GADL1: variants seen among roughly 807,000 people sequenced by gnomAD.
GADL1 encodes GAD like acidic amino acid decarboxylase 1.
In GADL1, 71 loss-of-function variants were observed where a neutral mutation model predicts 69.5. The ratio of observed to expected loss-of-function variants is 1.02; its 90% CI spans 0.84 to 1.25. The LOEUF is 1.25. Ranked by LOEUF, GADL1 falls within the 50% of genes most tolerant of loss-of-function variation. GADL1 has a pLI of 0.00. For missense variants in GADL1, 737 were observed against 631.8 expected, an observed-to-expected ratio of 1.17 and a Z score of -1.79; for synonymous variants, 254 against 214.4, an observed-to-expected ratio of 1.18 and a Z score of -1.62.
At chr3:30,741,190 A>ATATGTGTGTGTGTGTGTGTGTGTG (rs747105488) in intron 14 of GADL1, among the ~76,000 whole-genome samples, 2 of 132,638 alleles carry the variant, frequency 1.5e-5, no homozygotes, top group African/African-American at 5.7e-5. Context: ...TTATATAATT[A>ATATGTGTGTGTGTGTGTGTGTGTG]TGTGTGTGTG....
In GADL1 at chr3:30,839,037, G is replaced by T; in HGVS notation, c.863C>A (p.Ala288Glu). Residue 288 changes from alanine (A) to glutamate (E), a missense_variant, in exon 9 of 15, where the codon GCA becomes GAA. By Grantham distance (107) the Ala-to-Glu change is moderately radical (BLOSUM62 -1). Transcript: ENST00000282538. Reference protein sequence around the residue: ...LGAFDPLDEIADICERHSLWL... With the variant: ...LGAFDPLDEIEDICERHSLWL... ...GAGGCTGTGCCTCTCGCAGATGTCT[G>T]CTATTTCATCCAGAGGGTCAAAAGC... 6.2e-7 allele frequency: 1 copy of T among 1,607,250 alleles called. No individual in the cohort carries two copies. Among genetic ancestry groups the T allele is most frequent in the Non-Finnish European group, 8.5e-7 (1 of 1,177,050 alleles).
intron 6 of GADL1, among the ~76,000 whole-genome samples, chr3:30,846,214 A>T (rs1324388665): frequency 6.6e-6 from 1 of 152,224 alleles, no homozygotes; most frequent in Non-Finnish European, 1.5e-5. Context: ...ATTCAGAAGT[A>T]ACAACTGCAT....
intron 1 of GADL1, among the ~76,000 whole-genome samples, chr3:30,867,919 A>G (rs1698427774): frequency 6.6e-6 from 1 of 152,070 alleles, no homozygotes; most frequent in Non-Finnish European, 1.5e-5. Flanking sequence ...TTGTGGTTAT[A>G]GGAGAAGCTG....
intron 1 of GADL1, among the ~76,000 whole-genome samples, chr3:30,892,585 A>AGACATGCTTTGTTACAAGG: frequency 6.6e-6 from 1 of 152,244 alleles, no homozygotes; most frequent in East Asian, 1.9e-4. Context: ...CACAAGCTAC[A>AGACATGCTTTGTTACAAGG]GACATGCTTT....
intron 1 of GADL1, among the ~76,000 whole-genome samples, chr3:30,886,537 G>A (rs538223949): frequency 3.3e-5 from 5 of 152,238 alleles, no homozygotes; most frequent in Non-Finnish European, 5.9e-5. Flanking sequence ...GAGTGGGGTG[G>A]AATAGCAATG....
In GADL1 at chr3:30,786,374, C is replaced by A; in HGVS notation, c.1283G>T (p.Gly428Val). The A allele has an allele frequency of 6.4e-7, 1 of 1,559,684 alleles. No homozygotes were observed. Among genetic ancestry groups the A allele is most frequent in the Non-Finnish European group, 8.8e-7 (1 of 1,131,924 alleles). ...ACTTACTTCCATCAGTAACTTGAAT[C>A]CTTCTCTTTTCTTGATTTCATCTAC... ...YLVDEIKKRE[G>V]FKLLMEPEYA... Residue 428 changes from glycine to valine, a missense_variant, in exon 13 of 15, where the codon GGA becomes GTA. Transcript: ENST00000282538.
At chr3:30,760,389 T>C (rs1368141715) in intron 14 of GADL1, among the ~76,000 whole-genome samples, 2 of 152,180 alleles carry the variant, frequency 1.3e-5, no homozygotes, top group East Asian at 1.9e-4. Context: ...TTCAGGGACT[T>C]GTATCACTCT....
chr3:30,851,811 CCTT>C lies in GADL1; in HGVS notation c.429-873_429-871del, dbSNP rs1191618969. Among the ~76,000 whole-genome samples the C allele has an allele frequency of 2.0e-4, 30 of 152,272 alleles. No individual in the cohort carries two copies. In the Middle Eastern group the frequency reaches 0.01, roughly 52 times the overall value. The stretch of plus-strand genomic sequence containing the variant: ...TTGCCCTTTCTTGCATCCTCCTCCT[CCTT>C]CCCCAGGTCGTCACTCATGTTGATC... On this transcript the variant is annotated intron_variant, in intron 4 of 14. Coordinates refer to ENST00000282538, the MANE Select transcript of GADL1 (RefSeq NM_207359.3).
rs186808948 is a variant in GADL1, at chr3:30,738,054, G to A, written c.1393-9639C>T. ...AACTGAAAGCTTTAGCTGAACAATG[G>A]ACACAATAAACATTTTATACACTCT... On this transcript the variant is annotated intron_variant, in intron 14 of 14. Coordinates refer to ENST00000282538, the MANE Select transcript of GADL1 (RefSeq NM_207359.3). Among the ~76,000 whole-genome samples the A allele has an allele frequency of 2.1e-3, 321 of 152,220 alleles. 3 individuals carry two copies. The highest frequency in any genetic ancestry group is 7.4e-3 in the African/African-American group (308 of 41,546).
At chr3:30,786,697 A>ACAT (rs1219042648) in intron 12 of GADL1, among the ~76,000 whole-genome samples, 7 of 152,234 alleles carry the variant, frequency 4.6e-5, no homozygotes, top group Admixed American at 2.0e-4. Flanking sequence ...ATATCTCTGA[A>ACAT]CATGTGGGTC....
At chr3:30,778,351 TTTC>T (rs2078863066) in intron 13 of GADL1, 83 bp from the exon 14 acceptor site, 3 of 870,428 alleles carry the variant, frequency 3.4e-6, no homozygotes, top group South Asian at 1.5e-5. Flanking sequence ...TCTTAGCTAG[TTTC>T]TTCAAGAGTT....
At chr3:30,815,373 C>A (rs1046596849) in intron 11 of GADL1, among the ~76,000 whole-genome samples, 14 of 152,126 alleles carry the variant, frequency 9.2e-5, no homozygotes, top group African/African-American at 3.4e-4. Flanking sequence ...ATTTACGATT[C>A]TCTGGCACAA....
intron 9 of GADL1, among the ~76,000 whole-genome samples, chr3:30,838,249 A>T (rs1161862412): frequency 1.3e-5 from 2 of 152,142 alleles, no homozygotes; most frequent in Non-Finnish European, 1.5e-5. Flanking sequence ...CACAAAAAAA[A>T]TTAATTTTAA....
chr3:30,817,921 T>C (rs1697502606), intron 11 of GADL1, among the ~76,000 whole-genome samples: 1 of 152,244 alleles, frequency 6.6e-6, no homozygotes, highest in African/African-American at 2.4e-5. Flanking sequence ...GGTGAACTTC[T>C]TTCTGTGATA....
At chr3:30,741,434 A>G (rs1386587256) in intron 14 of GADL1, among the ~76,000 whole-genome samples, 1 of 152,016 alleles carries the variant, frequency 6.6e-6, no homozygotes, top group Non-Finnish European at 1.5e-5. Context: ...CCCAGTGTGT[A>G]TTGGAAACAT....
At chr3:30,804,950 G>A (rs1259321800) in intron 11 of GADL1, among the ~76,000 whole-genome samples, 1 of 152,184 alleles carries the variant, frequency 6.6e-6, no homozygotes, top group Admixed American at 6.5e-5. Context: ...TAGGAGTCTG[G>A]ACCTTTTGCA....
At chr3:30,871,185 T>G (rs2125540981) in intron 1 of GADL1, among the ~76,000 whole-genome samples, 1 of 151,524 alleles carries the variant, frequency 6.6e-6, no homozygotes, top group Admixed American at 6.6e-5. Context: ...GGGACTTCAG[T>G]AGAAACTGAG....
intron 14 of GADL1, among the ~76,000 whole-genome samples, chr3:30,772,297 C>T (rs191341358): frequency 5.3e-5 from 8 of 152,150 alleles, no homozygotes; most frequent in East Asian, 3.9e-4. Context: ...TACATGAATA[C>T]GAAAAGACAG....
Position 30,850,928 on chromosome 3 carries a change from C to T in GADL1, c.442G>A (p.Val148Met), listed in dbSNP as rs1339432602. The change falls in exon 5 of 15, where the codon GTG (valine) becomes ATG (methionine). Residue 148 changes from valine (V) to methionine (M), a missense_variant. Val to Met is a conservative substitution (Grantham distance 21). Coordinates refer to ENST00000282538, the MANE Select transcript of GADL1 (RefSeq NM_207359.3). ...ALNPSVYTYE[V>M]SPVFLLVEEA... Reference sequence around the variant, plus strand: ...TCCACTAACAGAAACACTGGGGACACCTCATACGTATAACTAGATAGATAT... The same window carrying T: ...TCCACTAACAGAAACACTGGGGACATCTCATACGTATAACTAGATAGATAT... 2.1e-5 allele frequency: 32 copies of T among 1,537,202 alleles called. No individual in the cohort carries two copies. The highest frequency in any genetic ancestry group is 2.7e-5 in the Non-Finnish European group (31 of 1,134,130).
Sources: gnomAD v4.1 joint callset for allele counts (sites outside exome capture counted in the v4.1 genomes callset) on GRCh38, gnomAD v4.1.1 for gene constraint, MANE v1.5 for transcripts, NCBI Gene and HGNC (gene_info 2026-07-23, HGNC 2026-07-21) for gene names.